Variants in SMCO1 observed in about 807,000 individuals in gnomAD.
The protein encoded by SMCO1 is single-pass membrane and coiled-coil domain-containing protein 1.
A neutral mutation model predicts 7.5 loss-of-function variants in SMCO1; 9 were observed. The observed-to-expected ratio is 1.20, with a 90% CI of 0.72 to 2.09. The LOEUF is 2.09. Among genes scored for constraint, SMCO1 ranks in the 30% most tolerant of loss-of-function variants. The pLI is 0.00. For missense variants in SMCO1, 219 were observed against 253.1 expected (o/e 0.87, Z 0.91); for synonymous variants, 90 against 93.8 (o/e 0.96, Z 0.23).
At chr3:196,517,760 C>T (rs369718845), upstream of SMCO1, among the ~76,000 whole-genome samples, 3 of 152,192 alleles carry the variant, frequency 2.0e-5, no homozygotes, top group East Asian at 1.9e-4. Flanking sequence ...ACCTCTGCCT[C>T]CCAGGTTCAA....
At chr3:196,511,971 A>G (rs113189284) in intron 1 of SMCO1, among the ~76,000 whole-genome samples, 45,825 of 119,104 alleles carry the variant, frequency 0.38, 9,772 homozygotes, top group African/African-American at 0.49. Flanking sequence ...TGCCTGAGCC[A>G]CCTAGATTGT....
chr3:196,510,924 G>A (rs1339172898), intron 1 of SMCO1, among the ~76,000 whole-genome samples: 1 of 152,218 alleles, frequency 6.6e-6, no homozygotes, highest in Non-Finnish European at 1.5e-5. Context: ...GCTGAGTTCT[G>A]TAACCCAAAA....
intron 1 of SMCO1, 98 bp from the exon 2 acceptor site, chr3:196,509,767 C>G (rs1274120916): frequency 3.9e-6 from 4 of 1,017,444 alleles, no homozygotes; most frequent in Non-Finnish European, 5.4e-6. Flanking sequence ...CAACCATTAC[C>G]AAATTTGGAT....
upstream of SMCO1, among the ~76,000 whole-genome samples, chr3:196,518,211 C>G (rs1308801896): frequency 6.6e-6 from 1 of 152,230 alleles, no homozygotes; most frequent in Non-Finnish European, 1.5e-5. Flanking sequence ...AATGCCACAC[C>G]TGGTCAAACC....
chr3:196,515,099 C>T (rs757210031), intron 1 of SMCO1, 61 bp downstream of exon 1: 2 of 1,585,880 alleles, frequency 1.3e-6, no homozygotes, highest in South Asian at 2.2e-5. Flanking sequence ...TCATTCTTCT[C>T]TTACCCATCT....
At chr3:196,516,133 G>A (rs1217296618), upstream of SMCO1, among the ~76,000 whole-genome samples, 1 of 144,006 alleles carries the variant, frequency 6.9e-6, no homozygotes, top group African/African-American at 2.5e-5. Context: ...ATTAGATTAG[G>A]AATTGAATAT....
Position 196,508,191 on chromosome 3 carries a change from T to G in SMCO1, c.341A>C (p.Lys114Thr). ...CCATACAACTCTAACGCGCTTGTTC[T>G]TAACTTTTCTTCTGAGTACAGAGGC... is the stretch of plus-strand genomic sequence containing the variant. ...TLASVLRRKV[K>T]NKRVRVVWES... is the part of the protein sequence containing the mutation. Residue 114 changes from lysine to threonine, a missense_variant, in exon 3 of 3, where the codon AAG (lysine) becomes ACG (threonine). Physicochemically the swap from Lys to Thr is moderately conservative, Grantham distance 78. Transcript: ENST00000397537. The G allele has an allele frequency of 6.2e-7, 1 of 1,614,212 alleles. No individual in the cohort carries two copies.
chr3:196,516,327 T>G (rs1384016722), upstream of SMCO1, among the ~76,000 whole-genome samples: 1 of 151,872 alleles, frequency 6.6e-6, no homozygotes, highest in African/African-American at 2.4e-5. Context: ...ATATTCACCC[T>G]GAAGGTGGTA....
rs779239141 is a variant in SMCO1 at position 196,508,096 on chromosome 3, G to A, written c.436C>T (p.Arg146Cys). The change falls in exon 3 of 3, where the codon CGT (arginine) becomes TGT (cysteine). Residue 146 changes from arginine (R) to cysteine (C), a missense_variant. Coordinates refer to ENST00000397537, the MANE Select transcript of SMCO1 (RefSeq NM_001077657.3). ...ITALCTFFIA[R>C]GNKAEHYTAK... ...GTATAGTGTTCTGCCTTGTTACCAC[G>A]TGCAATAAAGAAGGTACAAAGTGCT... The A allele has an allele frequency of 2.7e-5, 44 of 1,613,940 alleles. No individual in the cohort carries two copies. Among genetic ancestry groups the A allele is most frequent in the African/African-American group, 4.0e-5 (3 of 74,872 alleles).
rs1053811487 is a variant in SMCO1 at position 196,508,188 on chromosome 3, T to G, written c.344A>C (p.Asn115Thr). The G allele has an allele frequency of 3.1e-6, 5 of 1,614,060 alleles. No homozygotes were observed. The African/African-American group carries it at 6.7e-5, about 22-fold the overall frequency. The change falls in exon 3 of 3, where the codon AAC becomes ACC. Residue 115 changes from asparagine (N) to threonine (T), a missense_variant. By Grantham distance (65) the Asn-to-Thr change is moderately conservative. Transcript: ENST00000397537. ...CTCCCATACAACTCTAACGCGCTTG[T>G]TCTTAACTTTTCTTCTGAGTACAGA... ...LASVLRRKVK[N>T]KRVRVVWESI... is the part of the protein sequence containing the mutation.
At chr3:196,520,927 A>T in the SMCO1 span, among the ~76,000 whole-genome samples, 1 of 152,266 alleles carries the variant, frequency 6.6e-6, no homozygotes, top group Non-Finnish European at 1.5e-5. Context: ...GTTAATCATT[A>T]GCTCTTAATA....
upstream of SMCO1, among the ~76,000 whole-genome samples, chr3:196,515,988 GATATAT>G (rs200613159): frequency 0.02 from 480 of 23,782 alleles, 6 homozygotes; most frequent in African/African-American, 0.043. Flanking sequence ...AAGAGGATAG[GATATAT>G]ATATATATAT....
upstream of SMCO1, among the ~76,000 whole-genome samples, chr3:196,516,006 T>G (rs199660600): frequency 1.1e-5 from 1 of 91,770 alleles, no homozygotes; most frequent in East Asian, 2.9e-4. Context: ...TATATATATA[T>G]ATATATATAT....
Position 196,508,315 on chromosome 3 carries a change from A to G in SMCO1, c.217T>C (p.Leu73=), listed in dbSNP as rs1733112503. The change falls in exon 3 of 3, where the codon TTG becomes CTG. Residue 73 remains leucine (L), a synonymous_variant. Coordinates refer to ENST00000397537, the MANE Select transcript of SMCO1 (RefSeq NM_001077657.3). ...ATGACGTAGCTGTATAAAATATTCA[A>G]TTCCATTGAAGTGAGCCTACAAAAA... The part of the protein sequence containing the change: ...VRALQLTSME[L]NILYSYVIEV... 1 of 1,605,794 alleles carries G rather than the reference A, an allele frequency of 6.2e-7. No individual in the cohort carries two copies. The highest frequency in any genetic ancestry group is 8.5e-7 in the Non-Finnish European group (1 of 1,175,344).
upstream of SMCO1, among the ~76,000 whole-genome samples, chr3:196,518,589 A>G (rs1388106200): frequency 6.6e-6 from 1 of 152,100 alleles, no homozygotes; most frequent in Non-Finnish European, 1.5e-5. Context: ...TGCTGGAGAC[A>G]AAGGACCCTG....
upstream of SMCO1, among the ~76,000 whole-genome samples, chr3:196,519,068 A>C (rs1422044206): frequency 6.6e-6 from 1 of 152,168 alleles, no homozygotes; most frequent in African/African-American, 2.4e-5. Context: ...GGTGTTGGTA[A>C]AGGGTCCCCA....
upstream of SMCO1, among the ~76,000 whole-genome samples, chr3:196,519,448 T>C (rs1733451407): frequency 1.3e-5 from 2 of 152,196 alleles, no homozygotes; most frequent in South Asian, 4.1e-4. Flanking sequence ...AATAGGAAAA[T>C]TCTGCCCCAA....
chr3:196,520,557 G>A, the SMCO1 span, among the ~76,000 whole-genome samples: 1 of 152,120 alleles, frequency 6.6e-6, no homozygotes, highest in African/African-American at 2.4e-5. Context: ...TGATGGAAAT[G>A]GTGCTATGAA....
At chr3:196,510,077 C>T (rs1289022537) in intron 1 of SMCO1, among the ~76,000 whole-genome samples, 1 of 152,162 alleles carries the variant, frequency 6.6e-6, no homozygotes, top group Non-Finnish European at 1.5e-5. Context: ...AGTGATCTTC[C>T]CACCTCAGCC....
Sources: allele counts gnomAD v4.1 joint callset (sites outside exome capture counted in the v4.1 genomes callset), GRCh38; gene constraint gnomAD v4.1.1; transcripts MANE v1.5; gene names NCBI Gene and HGNC (gene_info 2026-07-23, HGNC 2026-07-21).